Variants in ZNF385B observed in about 807,000 individuals in gnomAD.
The protein encoded by ZNF385B is zinc finger protein 385B.
ZNF385B carries 23 observed loss-of-function variants against 39.2 expected under a neutral mutation model. The observed-to-expected ratio is 0.59, with a 90% confidence interval of 0.42 to 0.83. The LOEUF (loss-of-function observed/expected upper bound fraction) is 0.83. Among genes scored for constraint, ZNF385B ranks in the 40% least tolerant of loss-of-function variants. The pLI is 0.00. For missense variants in ZNF385B, 552 were observed against 598.9 expected (o/e 0.92, Z 0.82); for synonymous variants, 205 against 222.6 (o/e 0.92, Z 0.70).
chr2:179,487,570 G>A (rs1012267259), intron 5 of ZNF385B, among the ~76,000 whole-genome samples: 1 of 152,152 alleles, frequency 6.6e-6, no homozygotes, highest in Non-Finnish European at 1.5e-5. Context: ...AAGAAACAAG[G>A]ACAGGAGCCA....
At chr2:179,659,697 G>A (rs377380062) in intron 3 of ZNF385B, among the ~76,000 whole-genome samples, 5 of 152,086 alleles carry the variant, frequency 3.3e-5, no homozygotes, top group Non-Finnish European at 7.4e-5. Context: ...TTTAGAATAC[G>A]TATCAGAGCA....
At chr2:179,451,885 C>T (rs1410593333) in intron 6 of ZNF385B, among the ~76,000 whole-genome samples, 4 of 152,000 alleles carry the variant, frequency 2.6e-5, no homozygotes, top group Admixed American at 6.6e-5. Flanking sequence ...AAAGCCTCTT[C>T]GTGTATTTGA....
intron 4 of ZNF385B, among the ~76,000 whole-genome samples, chr2:179,526,922 G>A (rs1274364694): frequency 1.3e-5 from 2 of 152,172 alleles, no homozygotes; most frequent in Non-Finnish European, 2.9e-5. Context: ...ACATTAACTG[G>A]TCCCCTCTTT....
intron 3 of ZNF385B, among the ~76,000 whole-genome samples, chr2:179,690,690 G>A (rs1209641072): frequency 6.6e-6 from 1 of 152,118 alleles, no homozygotes; most frequent in Non-Finnish European, 1.5e-5. Flanking sequence ...CACTTACTAT[G>A]TCAAGTCACT....
intron 1 of ZNF385B, among the ~76,000 whole-genome samples, chr2:179,841,836 G>A (rs974540133): frequency 2.6e-5 from 4 of 152,176 alleles, no homozygotes; most frequent in African/African-American, 9.7e-5. Context: ...CTTGGATGAT[G>A]TCCTAGAACC....
At chr2:179,809,610 T>A (rs1030576684) in intron 1 of ZNF385B, among the ~76,000 whole-genome samples, 12 of 152,004 alleles carry the variant, frequency 7.9e-5, no homozygotes, top group African/African-American at 2.9e-4. Context: ...TAAAAAGACA[T>A]AAGTATGACA....
At chr2:179,735,316 T>A (rs1204271834) in intron 3 of ZNF385B, among the ~76,000 whole-genome samples, 1 of 148,356 alleles carries the variant, frequency 6.7e-6, no homozygotes, top group Non-Finnish European at 1.5e-5. Context: ...GAAATGCAAA[T>A]CAAAACCACT....
At chr2:179,537,403 C>T (rs1017671653) in intron 4 of ZNF385B, among the ~76,000 whole-genome samples, 5 of 151,522 alleles carry the variant, frequency 3.3e-5, no homozygotes, top group East Asian at 1.9e-4. Context: ...TGTGTTTTTT[C>T]CCCATCCATG....
chr2:179,696,032 A>C (rs2106353223), intron 3 of ZNF385B, among the ~76,000 whole-genome samples: 1 of 152,336 alleles, frequency 6.6e-6, no homozygotes, highest in Admixed American at 6.5e-5. Context: ...CACTGTATTA[A>C]TCCATTTATA....
At chr2:179,461,515 A>C (rs1377193037) in intron 6 of ZNF385B, among the ~76,000 whole-genome samples, 1 of 152,216 alleles carries the variant, frequency 6.6e-6, no homozygotes, top group East Asian at 1.9e-4. Context: ...TAGCATGAGC[A>C]CTTGAAAAAT....
intron 3 of ZNF385B, among the ~76,000 whole-genome samples, chr2:179,764,829 T>C (rs1484272679): frequency 6.6e-6 from 1 of 152,236 alleles, no homozygotes; most frequent in African/African-American, 2.4e-5. Context: ...ACTGGGTCAC[T>C]GGATGTTCAG....
chr2:179,791,234 C>A (rs357705), intron 1 of ZNF385B, among the ~76,000 whole-genome samples: 3 of 152,126 alleles, frequency 2.0e-5, no homozygotes, highest in African/African-American at 4.8e-5. Context: ...TGCAAATAAT[C>A]GGAAATGAGC....
At chr2:179,526,003 T>C (rs571189621) in intron 4 of ZNF385B, among the ~76,000 whole-genome samples, 7 of 151,528 alleles carry the variant, frequency 4.6e-5, no homozygotes, top group African/African-American at 1.7e-4. Context: ...TACAAATGAT[T>C]GCATATTGTT....
Position 179,676,535 on chromosome 2 carries a change from C to T in ZNF385B, c.298+92968G>A, listed in dbSNP as rs569657026. Among the ~76,000 whole-genome samples the T allele has an allele frequency of 7.9e-5, 12 of 152,256 alleles. No individual in the cohort carries two copies. The South Asian group carries it at 1.7e-3, about 21-fold the overall frequency. The stretch of plus-strand genomic sequence containing the variant: ...CCGACAGTATTTTTAAAGGGAGTAA[C>T]ATGATGAGATTTGAGTTCTGAAAAG... On this transcript the variant is annotated intron_variant, in intron 3 of 9. Coordinates refer to ENST00000410066, the MANE Select transcript of ZNF385B (RefSeq NM_152520.6).
intron 6 of ZNF385B, among the ~76,000 whole-genome samples, chr2:179,474,980 AAG>A (rs1171743498): frequency 6.6e-6 from 1 of 152,220 alleles, no homozygotes; most frequent in African/African-American, 2.4e-5. Context: ...CAGATTAGAA[AAG>A]AGGGGCTCAG....
At chr2:179,729,220 C>G (rs1701225178) in intron 3 of ZNF385B, among the ~76,000 whole-genome samples, 1 of 150,498 alleles carries the variant, frequency 6.6e-6, no homozygotes, top group Non-Finnish European at 1.5e-5. Context: ...TTTTCTAGGA[C>G]ATCCTGAAAG....
chr2:179,574,256 G>C (rs757274598), intron 3 of ZNF385B, among the ~76,000 whole-genome samples: 4 of 152,162 alleles, frequency 2.6e-5, no homozygotes, highest in Non-Finnish European at 4.4e-5. Flanking sequence ...GTACCTTTCT[G>C]TGGTTAAAAT....
intron 6 of ZNF385B, among the ~76,000 whole-genome samples, chr2:179,464,060 G>A (rs1005049984): frequency 2.0e-5 from 3 of 152,136 alleles, no homozygotes; most frequent in African/African-American, 7.2e-5. Flanking sequence ...GCGTGAGATG[G>A]TATCTCACTG....
chr2:179,746,829 T>C (rs1462968949), intron 3 of ZNF385B, among the ~76,000 whole-genome samples: 1 of 152,054 alleles, frequency 6.6e-6, no homozygotes, highest in East Asian at 1.9e-4. Context: ...CAGAAATACA[T>C]ATACCCCAGA....
Sources: allele counts gnomAD v4.1 joint callset (sites outside exome capture counted in the v4.1 genomes callset), GRCh38; gene constraint gnomAD v4.1.1; transcripts MANE v1.5; gene names NCBI Gene and HGNC (gene_info 2026-07-23, HGNC 2026-07-21).